MAEL: variants seen among roughly 807,000 people sequenced by gnomAD.
MAEL encodes maelstrom spermatogenic transposon silencer, also known as protein maelstrom homolog.
MAEL carries 46 observed loss-of-function variants against 62.0 expected under a neutral mutation model. The ratio of observed to expected loss-of-function variants is 0.74; its 90% CI spans 0.59 to 0.95. MAEL has a LOEUF of 0.95. Among genes scored for constraint, MAEL ranks in the 40% least tolerant of loss-of-function variants. The probability of loss-of-function intolerance (pLI) is 0.00; values close to 1 mark genes in which losing one functional copy is unlikely to be tolerated. For synonymous variants in MAEL, 172 were observed against 175.5 expected (o/e 0.98, Z 0.16); for missense variants, 497 against 526.8 (o/e 0.94, Z 0.55).
intron 5 of MAEL, among the ~76,000 whole-genome samples, chr1:167,003,281 A>T (rs1365267139): frequency 1.3e-5 from 2 of 152,210 alleles, no homozygotes; most frequent in Non-Finnish European, 2.9e-5. Context: ...TAACAATTTT[A>T]TGCTAAAATT....
intron 9 of MAEL, among the ~76,000 whole-genome samples, chr1:167,017,399 T>C (rs1488810404): frequency 2.0e-5 from 3 of 152,160 alleles, no homozygotes; most frequent in African/African-American, 7.2e-5. Context: ...CTCTAACACA[T>C]AGGTCTTTTG....
Position 167,021,785 on chromosome 1 carries a change from A to T in MAEL, c.1235A>T (p.Asn412Ile). 1 of 1,612,974 alleles carries T rather than the reference A, an allele frequency of 6.2e-7. No homozygotes were observed. Among genetic ancestry groups the T allele is most frequent in the Non-Finnish European group, 8.5e-7 (1 of 1,179,124 alleles). Residue 412 changes from asparagine (N) to isoleucine (I), a missense_variant, in exon 12 of 12, where the codon AAC becomes ATC. Asn to Ile is a moderately radical substitution (Grantham distance 149). Coordinates refer to ENST00000367872, the MANE Select transcript of MAEL (RefSeq NM_032858.3). Reference sequence around the variant, plus strand: ...TCCAGCAATATCCACAAATTCTCCAACTGTGACACTTCACTCTCACCTTAC... The same window carrying T: ...TCCAGCAATATCCACAAATTCTCCATCTGTGACACTTCACTCTCACCTTAC... ...NSSSNIHKFS[N>I]CDTSLSPYMS...
chr1:167,020,985 GTTT>G, intron 10 of MAEL, 97 bp from the exon 11 acceptor site: 1 of 877,718 alleles, frequency 1.1e-6, no homozygotes, highest in Non-Finnish European at 1.9e-6. Context: ...TTGAGTGTTA[GTTT>G]GCATTTTTAA....
intron 8 of MAEL, chr1:167,012,489 C>T (rs1665207500): frequency 6.6e-6 from 1 of 152,222 alleles, no homozygotes; most frequent in East Asian, 1.9e-4. Flanking sequence ...AGCACCTCCT[C>T]TGTGCCAGAA....
intron 5 of MAEL, among the ~76,000 whole-genome samples, chr1:167,003,588 T>G (rs749653558): frequency 6.6e-6 from 1 of 152,236 alleles, no homozygotes; most frequent in Non-Finnish European, 1.5e-5. Context: ...TCTTCTGGAA[T>G]TGGCAAATGA....
At chr1:167,010,820 G>A (rs555724497) in intron 8 of MAEL, among the ~76,000 whole-genome samples, 7 of 152,198 alleles carry the variant, frequency 4.6e-5, no homozygotes, top group East Asian at 1.9e-4. Context: ...GCTCCTTTGC[G>A]TTTCTTGGAC....
At chr1:166,988,845 A>C (rs1374082098), upstream of MAEL, among the ~76,000 whole-genome samples, 1 of 152,038 alleles carries the variant, frequency 6.6e-6, no homozygotes, top group Non-Finnish European at 1.5e-5. Flanking sequence ...TTGTTGCTTC[A>C]CTGGTTTTTG....
Position 167,021,133 on chromosome 1 carries a change from GAGGAACAA to G in MAEL, c.1093_1100del (p.Glu365IlefsTer7). On this transcript the variant is annotated frameshift_variant, in exon 11 of 12. Transcript: ENST00000367872. LOFTEE classifies it high-confidence loss of function. ...ATTCTCTCATTTCAACTCTTCTAAT[GAGGAACAA>G]AGATCAAACACACCCATTGGTAAGC... 6.2e-7 allele frequency: 1 copy of G among 1,612,452 alleles called. No homozygotes were observed. Among genetic ancestry groups the G allele is most frequent in the Non-Finnish European group, 8.5e-7 (1 of 1,178,930 alleles).
At chr1:166,976,386 G>A (rs1435904709) in intron 1 of MAEL, among the ~76,000 whole-genome samples, 1 of 152,202 alleles carries the variant, frequency 6.6e-6, no homozygotes, top group Non-Finnish European at 1.5e-5. Context: ...TAGACTTCCT[G>A]CCCTTAGGAG....
chr1:166,988,097 C>A (rs1663982109), upstream of MAEL, among the ~76,000 whole-genome samples: 1 of 152,088 alleles, frequency 6.6e-6, no homozygotes, highest in Non-Finnish European at 1.5e-5. Context: ...CGCCTGTAAT[C>A]CCAGCACTCT....
chr1:166,998,331 A>G (rs892128469), intron 5 of MAEL, among the ~76,000 whole-genome samples: 2 of 152,190 alleles, frequency 1.3e-5, no homozygotes, highest in Non-Finnish European at 2.9e-5. Context: ...TAACAATCTG[A>G]ATATCATTTG....
intron 8 of MAEL, among the ~76,000 whole-genome samples, chr1:167,012,939 A>G (rs1665231909): frequency 6.6e-6 from 1 of 152,202 alleles, no homozygotes; most frequent in Admixed American, 6.5e-5. Flanking sequence ...GCAAGAACAC[A>G]GGGAGAGATG....
At chr1:167,004,485 G>A (rs1664807404) in intron 6 of MAEL, among the ~76,000 whole-genome samples, 181 bp downstream of exon 6, 1 of 146,236 alleles carries the variant, frequency 6.8e-6, no homozygotes, top group Non-Finnish European at 1.5e-5. Flanking sequence ...CTCCAATTTT[G>A]GAGGGATTTT....
chr1:166,980,511 A>G (rs1373920236), intron 1 of MAEL, among the ~76,000 whole-genome samples: 1 of 152,168 alleles, frequency 6.6e-6, no homozygotes, highest in Non-Finnish European at 1.5e-5. Flanking sequence ...TCAGCCAGAT[A>G]CAAAGCCCCC....
intron 9 of MAEL, among the ~76,000 whole-genome samples, chr1:167,016,810 A>T (rs1416030003): frequency 6.6e-6 from 1 of 152,208 alleles, no homozygotes; most frequent in Middle Eastern, 3.2e-3. Context: ...CATTAAAAAA[A>T]TGAGATTCAG....
At chr1:167,006,601 CTATATATATATATA>C (rs200881169) in intron 8 of MAEL, among the ~76,000 whole-genome samples, 1,104 of 98,060 alleles carry the variant, frequency 0.011, 47 homozygotes, top group African/African-American at 0.033. Flanking sequence ...TGGTTTTTTA[CTATATATATATATA>C]TATATATATA....
chr1:166,992,816 A>C lies in MAEL; in HGVS notation c.456A>C (p.Ala152=). The C allele has an allele frequency of 1.9e-6, 3 of 1,600,734 alleles. No individual in the cohort carries two copies. Among genetic ancestry groups the C allele is most frequent in the Non-Finnish European group, 2.6e-6 (3 of 1,175,710 alleles). The change falls in exon 4 of 12, where the codon GCA becomes GCC. Residue 152 remains alanine (A), a synonymous_variant. Transcript: ENST00000367872. The part of the protein sequence containing the change: ...VKYSLQEGIM[A]DFHSFINPGE... ...ATTCTCTCCAAGAAGGTATTATGGCAGATTTCCACAGTTTTATAAATCCTG... is the reference window on the plus strand; with the variant it reads ...ATTCTCTCCAAGAAGGTATTATGGCCGATTTCCACAGTTTTATAAATCCTG...
intron 5 of MAEL, among the ~76,000 whole-genome samples, 165 bp downstream of exon 5, chr1:166,994,234 T>C (rs1466284768): frequency 2.0e-5 from 3 of 152,244 alleles, no homozygotes; most frequent in South Asian, 2.1e-4. Context: ...CTTTAAATTT[T>C]TTATAGACTG....
At chr1:166,994,920 G>A (rs947354037) in intron 5 of MAEL, among the ~76,000 whole-genome samples, 4 of 150,410 alleles carry the variant, frequency 2.7e-5, no homozygotes, top group African/African-American at 7.3e-5. Context: ...CGCCCACATC[G>A]GTCTCCCAAA....
Sources: allele counts gnomAD v4.1 joint callset (sites outside exome capture counted in the v4.1 genomes callset), GRCh38; gene constraint gnomAD v4.1.1; transcripts MANE v1.5; gene names NCBI Gene and HGNC (gene_info 2026-07-23, HGNC 2026-07-21).